Variants in TSPEAR observed in about 807,000 individuals in gnomAD.
TSPEAR encodes the protein thrombospondin type laminin G domain and EAR repeats.
In TSPEAR, 69 loss-of-function variants were observed where a neutral mutation model predicts 71.6. That is an observed-to-expected ratio of 0.96 (90% CI 0.79 to 1.18). The LOEUF is 1.18. Ranked by LOEUF, TSPEAR falls within the 50% of genes most tolerant of loss-of-function variation. The pLI, the probability that TSPEAR is intolerant of heterozygous loss-of-function variation, is 0.00. For missense variants in TSPEAR, 971 were observed against 894.9 expected, an observed-to-expected ratio of 1.09 and a Z score of -1.09; for synonymous variants, 402 against 387.2, an observed-to-expected ratio of 1.04 and a Z score of -0.45.
At chr21:44,707,897 T>G (rs162346) in intron 1 of TSPEAR, among the ~76,000 whole-genome samples, 9,313 of 151,918 alleles carry the variant, frequency 0.061, 321 homozygotes, top group Middle Eastern at 0.15. Context: ...GTTCCCAGTG[T>G]GTCCCTCAGC....
chr21:44,542,319 T>G lies in TSPEAR; in HGVS notation c.304-8396A>C, dbSNP rs587753973. On this transcript the variant is annotated intron_variant, in intron 2 of 11. Coordinates refer to ENST00000323084, the MANE Select transcript of TSPEAR (RefSeq NM_144991.3). ...AAGAAAGTGGAGCAATAAACATGCC[T>G]ATATTTTGTGAAAATTTATGGGAAA... Among the ~76,000 whole-genome samples, 5 of 152,342 alleles carry G rather than the reference T, an allele frequency of 3.3e-5. No homozygotes were observed. In the South Asian group the frequency reaches 1.0e-3, roughly 32 times the overall value.
chr21:44,647,340 G>GA (rs782170677), intron 1 of TSPEAR: 191 of 1,613,604 alleles, frequency 1.2e-4, no homozygotes, highest in Non-Finnish European at 1.6e-4. Flanking sequence ...GCTCAGGCAA[G>GA]AAGTCCAGCT....
chr21:44,711,502 G>T lies in TSPEAR; in HGVS notation c.13C>A (p.Leu5Met). MSALLSLCFVLPLAA... is the reference protein window; with the variant it reads MSALMSLCFVLPLAA... ...AGGGGCAGCACAAAACACAGACTCA[G>T]CAGGGCAGACATGAGGGGCTTGGGT... Residue 5 changes from leucine to methionine, a missense_variant, in exon 1 of 12, where the codon CTG becomes ATG. Coordinates refer to ENST00000323084, the MANE Select transcript of TSPEAR (RefSeq NM_144991.3). This position sits in a 1 kb window ranked among gnomAD's most constrained non-coding sequence, Gnocchi z 4.5. The T allele has an allele frequency of 1.2e-6, 2 of 1,611,820 alleles. No individual in the cohort carries two copies. The highest frequency in any genetic ancestry group is 8.5e-7 in the Non-Finnish European group (1 of 1,179,340).
chr21:44,525,423 G>A (rs2052834657), intron 8 of TSPEAR, among the ~76,000 whole-genome samples: 1 of 152,212 alleles, frequency 6.6e-6, no homozygotes, highest in South Asian at 2.1e-4. Flanking sequence ...TGTGCTGGGA[G>A]TCAGTCTGGC....
chr21:44,554,395 G>A (rs587718742), intron 2 of TSPEAR, among the ~76,000 whole-genome samples: 25 of 152,302 alleles, frequency 1.6e-4, no homozygotes, highest in African/African-American at 6.0e-4. Context: ...TGTTATAGCA[G>A]CCCCAACTGA....
intron 2 of TSPEAR, among the ~76,000 whole-genome samples, chr21:44,555,007 C>T (rs1555919542): frequency 6.6e-6 from 1 of 152,098 alleles, no homozygotes; most frequent in African/African-American, 2.4e-5. Context: ...TAAAGGTAAA[C>T]TTAAAAGCTA....
intron 1 of TSPEAR, among the ~76,000 whole-genome samples, chr21:44,660,466 A>G (rs909829881): frequency 2.0e-5 from 3 of 152,230 alleles, no homozygotes; most frequent in Non-Finnish European, 4.4e-5. Flanking sequence ...ACAGGACCGA[A>G]AGTACATCTT....
At chr21:44,621,522 C>T (rs1555933496) in intron 1 of TSPEAR, among the ~76,000 whole-genome samples, 1 of 152,250 alleles carries the variant, frequency 6.6e-6, no homozygotes. Flanking sequence ...TGGCTGGCCC[C>T]TCCCCAGTAG....
intron 1 of TSPEAR, among the ~76,000 whole-genome samples, chr21:44,630,597 T>G (rs1983198250): frequency 1.3e-5 from 2 of 150,322 alleles, no homozygotes; most frequent in African/African-American, 4.9e-5. Context: ...AACTGCAGGC[T>G]CTGAGCAAGC....
intron 1 of TSPEAR, among the ~76,000 whole-genome samples, chr21:44,678,974 G>T (rs1042218201): frequency 1.3e-5 from 2 of 152,126 alleles, no homozygotes; most frequent in Admixed American, 6.5e-5. Flanking sequence ...ACTGTTCCTT[G>T]TATAAGAGCA....
Position 44,567,865 on chromosome 21 carries a change from T to A in TSPEAR, c.223A>T (p.Arg75Trp), listed in dbSNP as rs912640986. 26 of 1,608,864 alleles carry A rather than the reference T, an allele frequency of 1.6e-5. No individual in the cohort carries two copies. In the South Asian group the frequency reaches 2.7e-4, roughly 16 times the overall value. Residue 75 changes from arginine to tryptophan, a missense_variant, in exon 2 of 12, where the codon AGG becomes TGG. Coordinates refer to ENST00000323084, the MANE Select transcript of TSPEAR (RefSeq NM_144991.3). ...APRTMSFPASRIFSQCDLFPE... is the reference protein window; with the variant it reads ...APRTMSFPASWIFSQCDLFPE... ...AAGAGGTCACACTGGGAGAAAATCC[T>A]GGATGCTGGGAAGCTCATGGTGCGG...
intron 9 of TSPEAR, chr21:44,517,141 C>T (rs1438723623): frequency 1.3e-5 from 2 of 152,336 alleles, no homozygotes; most frequent in African/African-American, 2.4e-5. Context: ...CCCCCAAACC[C>T]CCTCTTATGC....
rs907885829 is a variant in TSPEAR at position 44,695,747 on chromosome 21, G to C, written c.82+15686C>G. ...CTCATCTCACCGCAGCGGGACAGGG[G>C]TACACGCCACACACCAGGGTTTCAT... On this transcript the variant is annotated intron_variant, in intron 1 of 11. Transcript: ENST00000323084. The surrounding 1 kb of genome is among the most constrained non-coding windows in gnomAD (Gnocchi z 4.5). 1.3e-5 allele frequency among the ~76,000 whole-genome samples: 2 copies of C among 152,150 alleles called. No individual in the cohort carries two copies. The highest frequency in any genetic ancestry group is 2.9e-5 in the Non-Finnish European group (2 of 68,040).
At chr21:44,657,561 A>G (rs1238395632) in intron 1 of TSPEAR, among the ~76,000 whole-genome samples, 1 of 152,238 alleles carries the variant, frequency 6.6e-6, no homozygotes, top group Admixed American at 6.5e-5. Context: ...CCTATGCTTT[A>G]AAGTTTTACT....
chr21:44,523,769 T>G (rs989705238), intron 8 of TSPEAR, among the ~76,000 whole-genome samples: 5 of 149,252 alleles, frequency 3.4e-5, no homozygotes, highest in African/African-American at 1.2e-4. Flanking sequence ...GTCAGTGAGG[T>G]AGTTAATCAG....
chr21:44,503,552 T>A lies in TSPEAR; in HGVS notation c.1856+1228A>T, dbSNP rs442121. On this transcript the variant is annotated intron_variant, in intron 11 of 11. Coordinates refer to ENST00000323084, the MANE Select transcript of TSPEAR (RefSeq NM_144991.3). ...GAAGCCGGCCTTGGTGAGCCCACAG[T>A]GGGGAAGCAATGTGCTGGGAGGAAG... Among the ~76,000 whole-genome samples the A allele has an allele frequency of 3.0e-4, 33 of 110,224 alleles. 1 individual carries two copies. Among genetic ancestry groups the A allele is most frequent in the African/African-American group, 1.0e-3 (27 of 26,086 alleles). 72.3% of individuals were successfully genotyped at this position (110,224 alleles called of 152,430 possible). A position where few individuals can be genotyped will look rare whatever the true frequency, so the allele number is the denominator to read the frequency against.
intron 1 of TSPEAR, among the ~76,000 whole-genome samples, chr21:44,672,977 A>C (rs1464386402): frequency 6.6e-6 from 1 of 152,210 alleles, no homozygotes; most frequent in Non-Finnish European, 1.5e-5. Context: ...ACCATGAGCC[A>C]ATTAATCCTC....
chr21:44,613,154 C>T (rs1555931687), intron 1 of TSPEAR, among the ~76,000 whole-genome samples: 1 of 152,154 alleles, frequency 6.6e-6, no homozygotes, highest in African/African-American at 2.4e-5. Context: ...TCGACTTGAA[C>T]CTCTCAGCAC....
In TSPEAR at chr21:44,711,405, C is replaced by T. The variant is rs781828162; in HGVS notation, c.82+28G>A. On this transcript the variant is annotated intron_variant, in intron 1 of 11. Coordinates refer to ENST00000323084, the MANE Select transcript of TSPEAR (RefSeq NM_144991.3). This position sits in a 1 kb window ranked among gnomAD's most constrained non-coding sequence, Gnocchi z 4.5. Reference sequence around the variant, plus strand: ...TCCCAGCTCCCCGGCAAGATACCCCCGCCCGAGTTCCCATGCCCCTGCCTT... The same window carrying T: ...TCCCAGCTCCCCGGCAAGATACCCCTGCCCGAGTTCCCATGCCCCTGCCTT... 3.3e-5 allele frequency: 51 copies of T among 1,563,712 alleles called. No individual in the cohort carries two copies. Among genetic ancestry groups the T allele is most frequent in the Non-Finnish European group, 4.2e-5 (48 of 1,152,822 alleles).
Sources: gnomAD v4.1 joint callset for allele counts (sites outside exome capture counted in the v4.1 genomes callset) on GRCh38, gnomAD v4.1.1 for gene constraint, Gnocchi (gnomAD v3.1) non-coding constraint, MANE v1.5 for transcripts, NCBI Gene and HGNC (gene_info 2026-07-23, HGNC 2026-07-21) for gene names.